The following NELL1 variants were observed in gnomAD, a reference collection of about 807,000 sequenced individuals.
The protein encoded by NELL1 is neural EGFL like 1, also known as protein kinase C-binding protein NELL1.
A neutral mutation model predicts 107.4 loss-of-function variants in NELL1; 76 were observed. That is an observed-to-expected ratio of 0.71 (90% CI 0.59 to 0.86). The LOEUF is 0.86. Among genes scored for constraint, NELL1 ranks in the 40% least tolerant of loss-of-function variants. The pLI is 0.00. For synonymous variants in NELL1, 353 were observed against 341.2 expected (o/e 1.03, Z -0.38); for missense variants, 1,024 against 1,005.5 (o/e 1.02, Z -0.25).
chr11:21,125,588 C>T (rs1335887026), intron 13 of NELL1, among the ~76,000 whole-genome samples: 1 of 152,142 alleles, frequency 6.6e-6, no homozygotes, highest in Non-Finnish European at 1.5e-5. Flanking sequence ...AGGCATATAA[C>T]TGAGTTCTAA....
At chr11:21,121,354 A>T (rs565205380) in intron 13 of NELL1, among the ~76,000 whole-genome samples, 161 of 152,200 alleles carry the variant, frequency 1.1e-3, no homozygotes, top group African/African-American at 3.6e-3. Context: ...CCAAAGCTGC[A>T]CTCTGAGATG....
At chr11:21,413,258 C>T (rs1042708875) in intron 15 of NELL1, among the ~76,000 whole-genome samples, 2 of 151,900 alleles carry the variant, frequency 1.3e-5, no homozygotes, top group Non-Finnish European at 2.9e-5. Context: ...TAAACCATAA[C>T]CCAGGATGTC....
chr11:20,701,923 A>G (rs1443750600), intron 2 of NELL1, among the ~76,000 whole-genome samples: 1 of 152,176 alleles, frequency 6.6e-6, no homozygotes, highest in Non-Finnish European at 1.5e-5. Context: ...CTTGTAGTAT[A>G]GTTTGAAGTA....
chr11:21,468,447 T>C (rs1854086456), intron 15 of NELL1, among the ~76,000 whole-genome samples: 1 of 152,064 alleles, frequency 6.6e-6, no homozygotes, highest in African/African-American at 2.4e-5. Context: ...TTTGAGCCAA[T>C]AAGTTGGCAA....
intron 2 of NELL1, among the ~76,000 whole-genome samples, chr11:20,782,494 C>T (rs1252069172): frequency 6.6e-6 from 1 of 152,140 alleles, no homozygotes; most frequent in Non-Finnish European, 1.5e-5. Flanking sequence ...CCTAGTCTAC[C>T]CCCTCATTTT....
chr11:20,710,456 TG>T (rs1400575117), intron 2 of NELL1, among the ~76,000 whole-genome samples: 1 of 152,222 alleles, frequency 6.6e-6, no homozygotes, highest in Non-Finnish European at 1.5e-5. Flanking sequence ...GCTAGTATTT[TG>T]TTGAGGATTT....
At chr11:21,390,323 A>T (rs749146977) in intron 15 of NELL1, among the ~76,000 whole-genome samples, 59 of 150,980 alleles carry the variant, frequency 3.9e-4, no homozygotes, top group Non-Finnish European at 6.9e-4. Context: ...CTCCTATTCT[A>T]TTCCAGAGTC....
At chr11:20,935,655 T>C (rs1248426069) in intron 9 of NELL1, 1 of 152,086 alleles carries the variant, frequency 6.6e-6, no homozygotes, top group Non-Finnish European at 1.5e-5. Context: ...TCTGACTGTT[T>C]TATGGGGAAG....
At chr11:21,132,025 C>T (rs1175894889) in intron 13 of NELL1, among the ~76,000 whole-genome samples, 1 of 152,150 alleles carries the variant, frequency 6.6e-6, no homozygotes, top group African/African-American at 2.4e-5. Flanking sequence ...GAGTTTCATA[C>T]ACGCTTTTGA....
chr11:21,405,154 C>T (rs536128935), intron 15 of NELL1, among the ~76,000 whole-genome samples: 74 of 151,922 alleles, frequency 4.9e-4, no homozygotes, highest in Admixed American at 8.5e-4. Context: ...CACCTGGGCC[C>T]ACCAAGCTCT....
At chr11:21,538,095 T>C (rs1364626510) in intron 16 of NELL1, among the ~76,000 whole-genome samples, 1 of 152,082 alleles carries the variant, frequency 6.6e-6, no homozygotes, top group East Asian at 1.9e-4. Context: ...AAAAGAAATA[T>C]CAGCATCTAA....
At chr11:21,051,947 TAGA>T (rs1853503284) in intron 12 of NELL1, among the ~76,000 whole-genome samples, 1 of 152,086 alleles carries the variant, frequency 6.6e-6, no homozygotes, top group Admixed American at 6.6e-5. Context: ...TATAGTATGT[TAGA>T]AGATGACAAG....
intron 14 of NELL1, among the ~76,000 whole-genome samples, chr11:21,256,894 G>C (rs1476313531): frequency 1.3e-5 from 2 of 151,958 alleles, no homozygotes; most frequent in Non-Finnish European, 2.9e-5. Context: ...TCCAGTGTTG[G>C]GTACTTCATT....
At chr11:21,203,032 T>C (rs764452992) in intron 13 of NELL1, among the ~76,000 whole-genome samples, 3 of 152,196 alleles carry the variant, frequency 2.0e-5, no homozygotes, top group Non-Finnish European at 2.9e-5. Flanking sequence ...AGGAGTGTTT[T>C]ACTTCCAGTT....
At chr11:21,201,958 T>C (rs1041285723) in intron 13 of NELL1, among the ~76,000 whole-genome samples, 9 of 152,230 alleles carry the variant, frequency 5.9e-5, no homozygotes, top group Non-Finnish European at 8.8e-5. Context: ...GAACCAGCCT[T>C]GTATCCCAGG....
chr11:21,222,706 C>T (rs1857789206), intron 13 of NELL1, among the ~76,000 whole-genome samples: 1 of 151,992 alleles, frequency 6.6e-6, no homozygotes, highest in East Asian at 1.9e-4. Flanking sequence ...TTACTTTGCC[C>T]CAGAGGTTTT....
At chr11:21,529,878 T>G (rs901122088) in intron 15 of NELL1, among the ~76,000 whole-genome samples, 6 of 152,154 alleles carry the variant, frequency 3.9e-5, no homozygotes, top group Non-Finnish European at 5.9e-5. Flanking sequence ...AACCTACAGA[T>G]TAGAAAACAA....
At chr11:21,552,045 C>A (rs889497632) in intron 16 of NELL1, among the ~76,000 whole-genome samples, 7 of 145,212 alleles carry the variant, frequency 4.8e-5, no homozygotes, top group Non-Finnish European at 1.1e-4. Context: ...GAACAAAAAA[C>A]CAAACACTGC....
At chr11:20,953,569 A>G (rs1445788361) in intron 11 of NELL1, among the ~76,000 whole-genome samples, 1 of 152,196 alleles carries the variant, frequency 6.6e-6, no homozygotes, top group Non-Finnish European at 1.5e-5. Flanking sequence ...TCATTTTACT[A>G]GTGTTACTGG....
Sources: allele counts gnomAD v4.1 joint callset (sites outside exome capture counted in the v4.1 genomes callset), GRCh38; gene constraint gnomAD v4.1.1; transcripts MANE v1.5; gene names NCBI Gene and HGNC (gene_info 2026-07-23, HGNC 2026-07-21).